SYNJ1: variants seen among roughly 807,000 people sequenced by gnomAD.
SYNJ1 encodes polyphosphatidylinositol phosphatase SYNJ1.
A neutral mutation model predicts 168.2 loss-of-function variants in SYNJ1; 78 were observed. That is an observed-to-expected ratio of 0.46 (90% CI 0.39 to 0.56). The LOEUF is 0.56. Ranked by LOEUF, SYNJ1 falls within the 20% of genes least tolerant of loss-of-function variation. SYNJ1 has a pLI of 0.00. For synonymous variants in SYNJ1, 539 were observed against 548.6 expected (o/e 0.98, Z 0.24); for missense variants, 1,303 against 1,597.6 (o/e 0.82, Z 3.14).
At position 32,687,002 on chromosome 21, in the gene SYNJ1, T is replaced by C. The variant is rs2041857984; in HGVS notation, c.924A>G (p.Glu308=). The C allele has an allele frequency of 1.3e-6, 2 of 1,552,176 alleles. No homozygotes were observed. Among genetic ancestry groups the C allele is most frequent in the Admixed American group, 2.1e-5 (1 of 46,706 alleles). Reference sequence around the variant, plus strand: ...CCTGGAAAGCTTTACTTAGCATATGTTCACCTTCCTTAGATCCAAGCAAAT... The same window carrying C: ...CCTGGAAAGCTTTACTTAGCATATGCTCACCTTCCTTAGATCCAAGCAAAT... ...IVNLLGSKEG[E]HMLSKAFQSH... Residue 308 remains glutamate, a synonymous_variant, in exon 8 of 33, where the codon GAA becomes GAG. Coordinates refer to ENST00000674351, the MANE Select transcript of SYNJ1 (RefSeq NM_203446.3).
At chr21:32,721,061 C>A (rs960214095) in intron 2 of SYNJ1, among the ~76,000 whole-genome samples, 1 of 152,188 alleles carries the variant, frequency 6.6e-6, no homozygotes, top group Non-Finnish European at 1.5e-5. Context: ...CATCTTTTAT[C>A]TCTTAATAAA....
chr21:32,671,995 G>A (rs1392627813), intron 14 of SYNJ1, among the ~76,000 whole-genome samples: 1 of 143,648 alleles, frequency 7.0e-6, no homozygotes, highest in Non-Finnish European at 1.5e-5. Flanking sequence ...GGAGGTAGAG[G>A]TTGCAGTGAG....
In SYNJ1 at chr21:32,676,299, C is replaced by A. The variant is rs1376377459; in HGVS notation, c.1534+33G>T. On this transcript the variant is annotated intron_variant, in intron 13 of 32. Coordinates refer to ENST00000674351, the MANE Select transcript of SYNJ1 (RefSeq NM_203446.3). ...CTTCAGAAAAAATAAGAAAAAATTG[C>A]TTTTATTTATAGATTGATTTTCTAT... 4 of 1,521,334 alleles carry A rather than the reference C, an allele frequency of 2.6e-6. No individual in the cohort carries two copies. In the African/African-American group the frequency reaches 4.2e-5, roughly 16 times the overall value. The allele number at this position is 1,521,334 out of a possible 1,614,324, so 94.2% of individuals were successfully genotyped here.
At chr21:32,668,151 G>A (rs567770885) in intron 15 of SYNJ1, among the ~76,000 whole-genome samples, 154 of 151,900 alleles carry the variant, frequency 1.0e-3, no homozygotes, top group African/African-American at 3.5e-3. Context: ...TGCAACCTCC[G>A]TCTCCCAGGT....
intron 11 of SYNJ1, among the ~76,000 whole-genome samples, chr21:32,679,087 T>C (rs977867400): frequency 6.6e-6 from 1 of 152,132 alleles, no homozygotes; most frequent in African/African-American, 2.4e-5. Flanking sequence ...AAATTGCTTA[T>C]TACAAAGGAA....
chr21:32,714,160 C>G (rs1368155730), intron 2 of SYNJ1, among the ~76,000 whole-genome samples: 1 of 151,650 alleles, frequency 6.6e-6, no homozygotes, highest in African/African-American at 2.4e-5. Flanking sequence ...ATGTAAAGAC[C>G]CTGACGCCAG....
intron 2 of SYNJ1, among the ~76,000 whole-genome samples, chr21:32,717,405 T>C (rs961250908): frequency 1.3e-5 from 2 of 152,236 alleles, no homozygotes; most frequent in Non-Finnish European, 2.9e-5. Flanking sequence ...TTATGAGGTA[T>C]ATTTTCCTAT....
In SYNJ1 at chr21:32,665,028, TCAC is replaced by T; in HGVS notation, c.2186_2188del (p.Gly729del). ...AGGGAGATCGATTCGATAGTTGAAATCACCACACCAAAATACATAGTCATGGGA... is the reference window on the plus strand; with the variant it reads ...AGGGAGATCGATTCGATAGTTGAAATCACACCAAAATACATAGTCATGGGA... On this transcript the variant is annotated inframe_deletion, in exon 18 of 33. Coordinates refer to ENST00000674351, the MANE Select transcript of SYNJ1 (RefSeq NM_203446.3). 6.2e-7 allele frequency: 1 copy of T among 1,613,332 alleles called. No homozygotes were observed. Among genetic ancestry groups the T allele is most frequent in the Non-Finnish European group, 8.5e-7 (1 of 1,179,520 alleles).
chr21:32,631,884 CT>C, intron 32 of SYNJ1, 83 bp from the exon 33 acceptor site: 2 of 1,245,418 alleles, frequency 1.6e-6, no homozygotes, highest in Non-Finnish European at 2.2e-6. Context: ...TTATTCTTCC[CT>C]TTTAGGGGCA....
rs2040868236 is a variant in SYNJ1, at chr21:32,665,010, T to C, written c.2207A>G (p.Asp736Gly). The C allele has an allele frequency of 1.2e-6, 2 of 1,613,632 alleles. No homozygotes were observed. The highest frequency in any genetic ancestry group is 1.7e-6 in the Non-Finnish European group (2 of 1,179,660). ...FWCGDFNYRI[D>G]LPNEEVKELI... ...CTCTTTAACTTCTTCGTTAGGGAGA[T>C]CGATTCGATAGTTGAAATCACCACA... Residue 736 changes from aspartate to glycine, a missense_variant, in exon 18 of 33, where the codon GAT becomes GGT. Asp to Gly is a moderately conservative substitution (Grantham distance 94). This residue lies in a region of SYNJ1 where 920 missense variants were observed against 1,208.8 expected (regional missense o/e 0.76). Coordinates refer to ENST00000674351, the MANE Select transcript of SYNJ1 (RefSeq NM_203446.3).
rs377749682 is a variant in SYNJ1 at position 32,677,766 on chromosome 21, A to G, written c.1510+879T>C. Among the ~76,000 whole-genome samples the G allele has an allele frequency of 7.5e-4, 114 of 152,314 alleles. 1 individual carries two copies. The highest frequency in any genetic ancestry group is 2.6e-3 in the African/African-American group (109 of 41,568). ...TACCTTTAGGCACCATGCAAATTCT[A>G]AAATAATCCATAACTTATTTGACCA... is the stretch of plus-strand genomic sequence containing the variant. On this transcript the variant is annotated intron_variant, in intron 12 of 32. Coordinates refer to ENST00000674351, the MANE Select transcript of SYNJ1 (RefSeq NM_203446.3).
At chr21:32,722,205 A>AATAT (rs1195698677) in intron 2 of SYNJ1, among the ~76,000 whole-genome samples, 497 of 65,684 alleles carry the variant, frequency 7.6e-3, no homozygotes, top group South Asian at 0.01. Context: ...AAAAAAAAAA[A>AATAT]ATATATATAT....
In SYNJ1 at chr21:32,630,791, T is replaced by C; in HGVS notation, c.*1014A>G. The C allele has an allele frequency of 2.0e-6, 1 of 509,850 alleles. No individual in the cohort carries two copies. Among genetic ancestry groups the C allele is most frequent in the Non-Finnish European group, 3.4e-6 (1 of 295,844 alleles). 31.6% of individuals were successfully genotyped at this position (509,850 alleles called of 1,614,324 possible). ...TCCTATTCATCCAAAGAGAAATACA[T>C]CAAAACTCCAGTTAACAATGAGAAG... On this transcript the variant is annotated 3_prime_UTR_variant, in exon 33 of 33. Coordinates refer to ENST00000674351, the MANE Select transcript of SYNJ1 (RefSeq NM_203446.3).
intron 18 of SYNJ1, among the ~76,000 whole-genome samples, chr21:32,661,768 A>G (rs573928563): frequency 3.7e-4 from 57 of 152,256 alleles, no homozygotes; most frequent in African/African-American, 1.2e-3. Flanking sequence ...TTCTAACAGG[A>G]TACTCCCCTT....
chr21:32,709,671 A>G (rs71323337), intron 2 of SYNJ1, among the ~76,000 whole-genome samples: 2 of 151,402 alleles, frequency 1.3e-5, no homozygotes, highest in South Asian at 2.1e-4. Flanking sequence ...GTGCCCACCA[A>G]CACGCCCAGC....
At chr21:32,718,683 C>T (rs1373086297) in intron 2 of SYNJ1, among the ~76,000 whole-genome samples, 2 of 151,734 alleles carry the variant, frequency 1.3e-5, no homozygotes, top group East Asian at 1.9e-4. Context: ...ACAAACTACA[C>T]ACACTGTTTG....
chr21:32,671,714 T>C (rs2041196745), intron 14 of SYNJ1, among the ~76,000 whole-genome samples: 1 of 152,180 alleles, frequency 6.6e-6, no homozygotes, highest in Admixed American at 6.5e-5. Context: ...TTAGCTGTTA[T>C]TTTATTATCA....
At chr21:32,657,981 A>G in intron 18 of SYNJ1, 109 bp from the exon 19 acceptor site, 1 of 796,290 alleles carries the variant, frequency 1.3e-6, no homozygotes, top group Non-Finnish European at 2.0e-6. Flanking sequence ...CTCTCAGAAG[A>G]AATCTGTATG....
At chr21:32,671,795 C>T (rs1033270459) in intron 14 of SYNJ1, among the ~76,000 whole-genome samples, 3 of 152,200 alleles carry the variant, frequency 2.0e-5, no homozygotes, top group Non-Finnish European at 2.9e-5. Flanking sequence ...CAGTGCCTCA[C>T]GCTTGTAATC....
Sources: gnomAD v4.1 joint callset for allele counts (sites outside exome capture counted in the v4.1 genomes callset) on GRCh38, gnomAD v4.1.1 for gene constraint, gnomAD v4.1.1 regional missense constraint, MANE v1.5 for transcripts, NCBI Gene and HGNC (gene_info 2026-07-23, HGNC 2026-07-21) for gene names.